Variants in MSRB3 observed in about 807,000 individuals in gnomAD.
The protein encoded by MSRB3 is methionine-R-sulfoxide reductase B3.
Under a neutral mutation model 21.0 loss-of-function variants are expected in MSRB3, and 13 were observed. The ratio of observed to expected loss-of-function variants is 0.62; its 90% confidence interval spans 0.40 to 0.98. MSRB3 has a LOEUF of 0.98. Ranked by LOEUF, MSRB3 falls within the 50% of genes least tolerant of loss-of-function variation. The pLI is 0.00. For synonymous variants in MSRB3, 87 were observed against 88.6 expected (o/e 0.98, Z 0.10); for missense variants, 199 against 230.3 (o/e 0.86, Z 0.88).
chr12:65,330,654 C>G (rs527861090), intron 4 of MSRB3, among the ~76,000 whole-genome samples: 30 of 152,262 alleles, frequency 2.0e-4, no homozygotes, highest in African/African-American at 6.7e-4. Context: ...TCACCCAGCC[C>G]AAATCTTACC....
chr12:65,442,519 G>A lies in MSRB3; in HGVS notation c.293-11209G>A, dbSNP rs947929152. ...ATTTCCCCATCCTATATCTCACTTG[G>A]TATTTTTAAGGTCAGTTAAGCACAG... is the stretch of plus-strand genomic sequence containing the variant. On this transcript the variant is annotated intron_variant, in intron 5 of 6. Transcript: ENST00000308259. 2.6e-5 allele frequency among the ~76,000 whole-genome samples: 4 copies of A among 152,012 alleles called. No individual in the cohort carries two copies. The East Asian group carries it at 7.7e-4, about 29-fold the overall frequency.
In MSRB3 at chr12:65,369,147, T is replaced by C. The variant is rs564411234; in HGVS notation, c.292+121T>C. 4 of 731,300 alleles carry C rather than the reference T, an allele frequency of 5.5e-6. No individual in the cohort carries two copies. In the East Asian group the frequency reaches 1.1e-4, roughly 20 times the overall value. 45.3% of individuals were successfully genotyped at this position (731,300 alleles called of 1,614,324 possible). A position where few individuals can be genotyped will look rare whatever the true frequency, so the allele number is the denominator to read the frequency against. On this transcript the variant is annotated intron_variant, in intron 5 of 6. Coordinates refer to ENST00000308259, the MANE Select transcript of MSRB3 (RefSeq NM_001031679.3). The stretch of plus-strand genomic sequence containing the variant: ...CAGACTAGGCGGTTTCTTTCCAAAA[T>C]GTGAGTCCCACCTCAAAGCAGGGCT...
chr12:65,393,146 CCTA>C (rs1879575255), intron 5 of MSRB3, among the ~76,000 whole-genome samples: 1 of 151,112 alleles, frequency 6.6e-6, no homozygotes. Context: ...TAGTATTATC[CCTA>C]CTTTCTTTAT....
chr12:65,423,232 G>A (rs931768154), intron 5 of MSRB3, among the ~76,000 whole-genome samples: 38 of 152,118 alleles, frequency 2.5e-4, no homozygotes, highest in African/African-American at 9.2e-4. Flanking sequence ...AAAGTGCTGG[G>A]ATTACAGGCA....
At chr12:65,375,994 T>A (rs1038274802) in intron 5 of MSRB3, among the ~76,000 whole-genome samples, 1 of 152,100 alleles carries the variant, frequency 6.6e-6, no homozygotes, top group African/African-American at 2.4e-5. Context: ...CTACATTCTC[T>A]GCAATGTAAA....
intron 4 of MSRB3, among the ~76,000 whole-genome samples, chr12:65,361,599 C>G (rs1877710237): frequency 6.6e-6 from 1 of 151,906 alleles, no homozygotes. Flanking sequence ...ATTTGTTCTC[C>G]CAGATATTAA....
At chr12:65,368,289 G>A (rs1049746578) in intron 4 of MSRB3, among the ~76,000 whole-genome samples, 80 of 152,122 alleles carry the variant, frequency 5.3e-4, no homozygotes, top group Non-Finnish European at 1.3e-4. Flanking sequence ...ATATAAATCC[G>A]ACTGGAGCAT....
chr12:65,351,175 A>G (rs1021776561), intron 4 of MSRB3, among the ~76,000 whole-genome samples: 11 of 151,502 alleles, frequency 7.3e-5, no homozygotes, highest in African/African-American at 1.9e-4. Context: ...AAACCACTCA[A>G]CTACATGGAA....
At chr12:65,352,265 C>A (rs1048077058) in intron 4 of MSRB3, among the ~76,000 whole-genome samples, 4 of 150,590 alleles carry the variant, frequency 2.7e-5, no homozygotes, top group Non-Finnish European at 4.5e-5. Context: ...ATTCAACAAC[C>A]CTTCATGCTA....
At chr12:65,302,374 C>T (rs951662605) in intron 1 of MSRB3, among the ~76,000 whole-genome samples, 2 of 152,156 alleles carry the variant, frequency 1.3e-5, no homozygotes, top group Admixed American at 1.3e-4. Flanking sequence ...AATTCTCTTT[C>T]CTGTGAAATT....
At chr12:65,414,564 A>G (rs766792337) in intron 5 of MSRB3, among the ~76,000 whole-genome samples, 21 of 152,186 alleles carry the variant, frequency 1.4e-4, no homozygotes, top group Non-Finnish European at 3.1e-4. Context: ...GGGCGATAGC[A>G]TGTAGTCGAG....
intron 5 of MSRB3, among the ~76,000 whole-genome samples, chr12:65,441,181 G>A (rs763988470): frequency 2.6e-5 from 4 of 151,870 alleles, no homozygotes; most frequent in Non-Finnish European, 5.9e-5. Flanking sequence ...AAGCTTGTCA[G>A]TGGTCAGTTT....
chr12:65,390,100 T>G (rs1879397690), intron 5 of MSRB3, among the ~76,000 whole-genome samples: 1 of 152,194 alleles, frequency 6.6e-6, no homozygotes, highest in Non-Finnish European at 1.5e-5. Flanking sequence ...GAGGAAGAGA[T>G]GTCCTCTTTT....
chr12:65,301,598 T>C (rs1408759427), intron 1 of MSRB3, among the ~76,000 whole-genome samples: 1 of 152,178 alleles, frequency 6.6e-6, no homozygotes, highest in Non-Finnish European at 1.5e-5. Flanking sequence ...AAAGGAACAG[T>C]GCAGGATGTT....
chr12:65,396,697 A>AG (rs1565872107), intron 5 of MSRB3, among the ~76,000 whole-genome samples: 8 of 27,610 alleles, frequency 2.9e-4, no homozygotes, highest in African/African-American at 8.1e-4. Flanking sequence ...ATCTCAAAAA[A>AG]AAAAAAAAAA....
At chr12:65,418,439 C>T (rs1881096138) in intron 5 of MSRB3, among the ~76,000 whole-genome samples, 1 of 152,126 alleles carries the variant, frequency 6.6e-6, no homozygotes, top group South Asian at 2.1e-4. Context: ...AGATTTTCTT[C>T]TATCCTATAG....
intron 4 of MSRB3, among the ~76,000 whole-genome samples, chr12:65,332,635 T>TA (rs529815315): frequency 2.0e-5 from 3 of 151,874 alleles, no homozygotes; most frequent in South Asian, 2.1e-4. Context: ...TAAAGTATAA[T>TA]AAAAAAAAGA....
intron 5 of MSRB3, among the ~76,000 whole-genome samples, chr12:65,431,912 G>A (rs1247983726): frequency 1.3e-5 from 2 of 152,002 alleles, no homozygotes; most frequent in African/African-American, 2.4e-5. Context: ...AACAGCATGG[G>A]ACAAACACAA....
chr12:65,348,131 T>G (rs1264711117), intron 4 of MSRB3, among the ~76,000 whole-genome samples: 2 of 152,206 alleles, frequency 1.3e-5, no homozygotes, highest in Non-Finnish European at 2.9e-5. Flanking sequence ...CCTCTTTTTC[T>G]GTTGATTGGA....
Sources: gnomAD v4.1 joint callset for allele counts (sites outside exome capture counted in the v4.1 genomes callset) on GRCh38, gnomAD v4.1.1 for gene constraint, MANE v1.5 for transcripts, NCBI Gene and HGNC (gene_info 2026-07-23, HGNC 2026-07-21) for gene names.